The following HTT variants were observed in gnomAD, a reference collection of about 807,000 sequenced individuals.
The protein encoded by HTT is huntingtin.
In HTT, 104 loss-of-function variants were observed where a neutral mutation model predicts 362.3. That is an observed-to-expected ratio of 0.29 (90% CI 0.24 to 0.34). The LOEUF is 0.34. Among genes scored for constraint, HTT ranks in the 10% least tolerant of loss-of-function variants. The pLI, the probability that HTT is intolerant of heterozygous loss-of-function variation, is 1.00. For missense variants in HTT, 3,301 were observed against 3,928.6 expected (o/e 0.84, Z 4.27); for synonymous variants, 1,577 against 1,548.7 (o/e 1.02, Z -0.43).
chr4:3,132,943 C>G lies in HTT; in HGVS notation c.2493+32C>G, dbSNP rs543103239. ...ATAATCTTCTGTGGAACCATTTCTT[C>G]ACTTAGTGGACATTTTATCATTGCT... is the stretch of plus-strand genomic sequence containing the variant. On this transcript the variant is annotated intron_variant, in intron 18 of 66. Transcript: ENST00000355072. The G allele has an allele frequency of 1.5e-5, 22 of 1,427,850 alleles. 1 individual carries two copies. In the South Asian group the frequency reaches 2.1e-4, roughly 13 times the overall value. The allele number at this position is 1,427,850 out of a possible 1,614,324, so 88.4% of individuals were successfully genotyped here.
rs1715792135 is a variant in HTT at position 3,131,142 on chromosome 4, G to C, written c.1987-144G>C. 7.7e-6 allele frequency: 5 copies of C among 651,452 alleles called. No individual in the cohort carries two copies. The South Asian group carries it at 8.9e-5, about 12-fold the overall frequency. The allele number at this position is 651,452 out of a possible 1,614,324, so 40.4% of individuals were successfully genotyped here. On this transcript the variant is annotated intron_variant, in intron 14 of 66. Transcript: ENST00000355072. ...CTTGGCCATGGTCTCTGTGAGGTCA[G>C]GTGTGCATATGGGCACAAACCAGGG...
intron 33 of HTT, 32 bp downstream of exon 33, chr4:3,175,139 C>G (rs988515410): frequency 5.7e-6 from 9 of 1,583,676 alleles, no homozygotes; most frequent in Non-Finnish European, 7.8e-6. Flanking sequence ...TCCATCATAC[C>G]TGTTCCTAAT....
intron 41 of HTT, among the ~76,000 whole-genome samples, chr4:3,201,483 T>C (rs905182701): frequency 7.4e-6 from 1 of 135,278 alleles, no homozygotes; most frequent in South Asian, 2.3e-4. Context: ...TGAGCTGAGA[T>C]CGCGCCACTG....
intron 21 of HTT, among the ~76,000 whole-genome samples, chr4:3,137,343 C>T (rs1030772927): frequency 6.6e-6 from 1 of 152,284 alleles, no homozygotes; most frequent in African/African-American, 2.4e-5. Flanking sequence ...TCCTTGTGCC[C>T]ATTTGCTGTA....
chr4:3,228,190 C>T lies in HTT; in HGVS notation c.7849-425C>T, dbSNP rs200847516. On this transcript the variant is annotated intron_variant, in intron 57 of 66. Coordinates refer to ENST00000355072, the MANE Select transcript of HTT (RefSeq NM_001388492.1). The surrounding 1 kb of genome is among the most constrained non-coding windows in gnomAD (Gnocchi z 4.3). ...CGTGGTGGCTGCGTGATCTAGAGCG[C>T]GGGTCACAAAGGCGCGAGGGAGCTC... 2.0e-4 allele frequency among the ~76,000 whole-genome samples: 31 copies of T among 152,244 alleles called. No homozygotes were observed. In the East Asian group the frequency reaches 3.7e-3, roughly 18 times the overall value.
chr4:3,210,774 G>A (rs1720117118), intron 47 of HTT, among the ~76,000 whole-genome samples: 1 of 152,194 alleles, frequency 6.6e-6, no homozygotes, highest in Non-Finnish European at 1.5e-5. Flanking sequence ...GAGGCCGGGA[G>A]TGACGGCAGG....
intron 30 of HTT, 38 bp from the exon 31 acceptor site, chr4:3,172,870 C>G: frequency 7.3e-7 from 1 of 1,367,626 alleles, no homozygotes; most frequent in Middle Eastern, 1.8e-4. Flanking sequence ...AAGTGTTGTT[C>G]ACGCCACATT....
chr4:3,075,027 C>G lies in HTT; in HGVS notation c.202C>G (p.Pro68Ala), dbSNP rs1712434385. 8.0e-7 allele frequency: 1 copy of G among 1,250,802 alleles called. No individual in the cohort carries two copies. The highest frequency in any genetic ancestry group is 1.0e-6 in the Non-Finnish European group (1 of 1,004,038). 77.5% of individuals were successfully genotyped at this position (1,250,802 alleles called of 1,614,324 possible). A position where few individuals can be genotyped will look rare whatever the true frequency, so the allele number is the denominator to read the frequency against. Residue 68 changes from proline to alanine, a missense_variant, in exon 1 of 67, where the codon CCC becomes GCC. Around this residue, in one of 4 missense-constraint regions of HTT, gnomAD observed 2,316 missense variants for 2,658.5 expected, o/e 0.87. Transcript: ENST00000355072. ...GCCGCTGCTGCCTCAGCCGCAGCCG[C>G]CCCCGCCGCCGCCCCCGCCGCCACC... ...AQPLLPQPQPPPPPPPPPPGP... is the reference protein window; with the variant it reads ...AQPLLPQPQPAPPPPPPPPGP...
chr4:3,172,811 T>C (rs147299593), intron 30 of HTT, 97 bp from the exon 31 acceptor site: 2 of 855,018 alleles, frequency 2.3e-6, no homozygotes, highest in Non-Finnish European at 4.0e-6. Context: ...TTTGCTAACA[T>C]ATCCAGTTAT....
At position 3,157,195 on chromosome 4, in the gene HTT, A is replaced by G; in HGVS notation, c.3749A>G (p.Tyr1250Cys). Residue 1250 changes from tyrosine (Y) to cysteine (C), a missense_variant, in exon 28 of 67, where the codon TAC becomes TGC. Physicochemically the swap from Tyr to Cys is radical, Grantham distance 194. Around this residue, in one of 4 missense-constraint regions of HTT, gnomAD observed 2,316 missense variants for 2,658.5 expected, o/e 0.87. Transcript: ENST00000355072. ...GTCCTGAAAGCTACACACGCTAACT[A>G]CAAGGTATGGGCCTCTGCATCTTTT... ...HDVLKATHAN[Y>C]KVTLDLQNST... 1 of 1,613,100 alleles carries G rather than the reference A, an allele frequency of 6.2e-7. No individual in the cohort carries two copies. Among genetic ancestry groups the G allele is most frequent in the Non-Finnish European group, 8.5e-7 (1 of 1,179,610 alleles).
chr4:3,228,906 A>C lies in HTT; in HGVS notation c.8006A>C (p.His2669Pro). 1 of 1,612,856 alleles carries C rather than the reference A, an allele frequency of 6.2e-7. No homozygotes were observed. Among genetic ancestry groups the C allele is most frequent in the Non-Finnish European group, 8.5e-7 (1 of 1,179,492 alleles). The change falls in exon 59 of 67, where the codon CAC (histidine) becomes CCC (proline). Residue 2669 changes from histidine to proline, a missense_variant. By Grantham distance (77) the His-to-Pro change is moderately conservative (BLOSUM62 -2). Transcript: ENST00000355072. The surrounding 1 kb of genome is among the most constrained non-coding windows in gnomAD (Gnocchi z 4.3). ...AAACACCGGGCTGGAGTTGACATCC[A>C]CTCCTGTTCGCAGTTTTTGCTTGAG... ...SRKHRAGVDI[H>P]SCSQFLLELY...
rs148174714 is a variant in HTT at position 3,082,290 on chromosome 4, C to T, written c.264-4649C>T. Among the ~76,000 whole-genome samples, 4 of 151,336 alleles carry T rather than the reference C, an allele frequency of 2.6e-5. No individual in the cohort carries two copies. The East Asian group carries it at 7.7e-4, about 29-fold the overall frequency. On this transcript the variant is annotated intron_variant, in intron 1 of 66. Transcript: ENST00000355072. ...AGAATGTGCTGGTGACATATTCTCT[C>T]TACCTTGAGAAGTCCCCATCCCCAT...
chr4:3,109,069 ATAT>A lies in HTT; in HGVS notation c.747+1647_747+1649del, dbSNP rs1714589557. 3.6e-5 allele frequency among the ~76,000 whole-genome samples: 5 copies of A among 138,602 alleles called. No homozygotes were observed. The South Asian group carries it at 6.6e-4, about 18-fold the overall frequency. The allele number at this position is 138,602 out of a possible 152,430, so 90.9% of individuals were successfully genotyped here. A position where few individuals can be genotyped will look rare whatever the true frequency, so the allele number is the denominator to read the frequency against. On this transcript the variant is annotated intron_variant, in intron 6 of 66. Coordinates refer to ENST00000355072, the MANE Select transcript of HTT (RefSeq NM_001388492.1). ...ATGCCATTTCTTAAAAAAAAAAAAT[ATAT>A]ATATATATATTATCAATGAAATTCA... is the stretch of plus-strand genomic sequence containing the variant.
chr4:3,090,930 G>A (rs189098979), intron 2 of HTT, among the ~76,000 whole-genome samples: 10 of 152,280 alleles, frequency 6.6e-5, no homozygotes, highest in Non-Finnish European at 1.3e-4. Context: ...GGACCAGTGC[G>A]GTGAAACACT....
chr4:3,074,923 AGC>A lies in HTT; in HGVS notation c.99_100del (p.Gln34AlafsTer48), dbSNP rs751281707. On this transcript the variant is annotated frameshift_variant, in exon 1 of 67. Transcript: ENST00000355072. LOFTEE classifies it high-confidence loss of function. ...CAGCAGCAGCAGCAGCAGCAGCAGC[AGC>A]AGCAGCAGCAACAGCCGCCACCGCC... 0.027 allele frequency: 39,715 copies of A among 1,467,808 alleles called. 1,250 individuals are homozygous for A. The highest frequency in any genetic ancestry group is 0.11 in the African/African-American group (6,819 of 63,518). The allele number at this position is 1,467,808 out of a possible 1,614,324, so 90.9% of individuals were successfully genotyped here.
intron 29 of HTT, among the ~76,000 whole-genome samples, chr4:3,166,513 C>A (rs1456896128): frequency 6.6e-6 from 1 of 152,222 alleles, no homozygotes; most frequent in African/African-American, 2.4e-5. Flanking sequence ...TCAGATGTGC[C>A]CTTCCCCCAG....
intron 66 of HTT, among the ~76,000 whole-genome samples, chr4:3,239,365 G>T (rs528913909): frequency 6.6e-6 from 1 of 152,278 alleles, no homozygotes; most frequent in Non-Finnish European, 1.5e-5. Context: ...TCGCCCTCTC[G>T]GGGAAAGGCT....
At chr4:3,130,128 A>G (rs1715732174) in intron 13 of HTT, 81 bp downstream of exon 13, 1 of 1,416,428 alleles carries the variant, frequency 7.1e-7, no homozygotes, top group Non-Finnish European at 9.6e-7. Context: ...GCTTCCAAGA[A>G]GAAGTCCTTT....
intron 37 of HTT, among the ~76,000 whole-genome samples, chr4:3,185,168 G>A (rs1039266904): frequency 4.6e-5 from 7 of 152,274 alleles, no homozygotes; most frequent in East Asian, 3.9e-4. Context: ...GAGAGGAGTC[G>A]GCAATGGGTT....
Sources: gnomAD v4.1 joint callset for allele counts (sites outside exome capture counted in the v4.1 genomes callset) on GRCh38, gnomAD v4.1.1 for gene constraint, gnomAD v4.1.1 regional missense constraint, Gnocchi (gnomAD v3.1) non-coding constraint, MANE v1.5 for transcripts, NCBI Gene and HGNC (gene_info 2026-07-23, HGNC 2026-07-21) for gene names.